Variants in TNRC6B observed in about 807,000 individuals in gnomAD.
The protein encoded by TNRC6B is trinucleotide repeat-containing gene 6B protein.
TNRC6B carries 52 observed loss-of-function variants against 203.6 expected under a neutral mutation model. That is an observed-to-expected ratio of 0.26 (90% confidence interval 0.20 to 0.32). The LOEUF is 0.32. Ranked by LOEUF, TNRC6B falls within the 10% of genes least tolerant of loss-of-function variation. The probability of loss-of-function intolerance (pLI) is 1.00; values close to 1 mark genes in which losing one functional copy is unlikely to be tolerated. For synonymous variants in TNRC6B, 838 were observed against 845.7 expected, an observed-to-expected ratio of 0.99 and a Z score of 0.16; for missense variants, 1,923 against 2,286.2, an observed-to-expected ratio of 0.84 and a Z score of 3.24.
At position 40,300,689 on chromosome 22, in the gene TNRC6B, A is replaced by G. The variant is rs5750932; in HGVS notation, c.3840+103A>G. Reference sequence around the variant, plus strand: ...CATCTTTGCCACTTTCTATGTTCAAAGGGTGCTAGTCCACACTTCTTTGCA... The same window carrying G: ...CATCTTTGCCACTTTCTATGTTCAAGGGGTGCTAGTCCACACTTCTTTGCA... On this transcript the variant is annotated intron_variant, in intron 13 of 22. Coordinates refer to ENST00000454349, the MANE Select transcript of TNRC6B (RefSeq NM_001162501.2). 1.2e-5 allele frequency: 18 copies of G among 1,440,680 alleles called. No individual in the cohort carries two copies. The East Asian group carries it at 2.1e-4, about 17-fold the overall frequency. The allele number at this position is 1,440,680 out of a possible 1,614,324, so 89.2% of individuals were successfully genotyped here.
chr22:40,270,172 G>A lies in TNRC6B; in HGVS notation c.2857G>A (p.Gly953Ser). The stretch of plus-strand genomic sequence containing the variant: ...TCCAGATAATGGTACTTCCGCTTGG[G>A]GTGAGCCAAATGAAAGCAGTCCTGG... ...PAPDNGTSAW[G>S]EPNESSPGWG... Residue 953 changes from glycine to serine, a missense_variant, in exon 6 of 23, where the codon GGT (glycine) becomes AGT (serine). Physicochemically the swap from Gly to Ser is moderately conservative, Grantham distance 56. Around this residue, in one of 8 missense-constraint regions of TNRC6B, gnomAD observed 599 missense variants for 656.5 expected, o/e 0.91. Transcript: ENST00000454349. 6.3e-7 allele frequency: 1 copy of A among 1,582,554 alleles called. No individual in the cohort carries two copies. The highest frequency in any genetic ancestry group is 8.6e-7 in the Non-Finnish European group (1 of 1,163,566).
intron 7 of TNRC6B, among the ~76,000 whole-genome samples, chr22:40,276,074 A>G (rs6001858): frequency 0.64 from 97,064 of 151,792 alleles, 34,739 homozygotes; most frequent in East Asian, 0.99. Context: ...CGGGCTGGGC[A>G]CGGTGGCTCA....
intron 1 of TNRC6B, among the ~76,000 whole-genome samples, chr22:40,210,000 AGAGT>A (rs1310927814): frequency 7.0e-6 from 1 of 143,048 alleles, no homozygotes; most frequent in African/African-American, 2.8e-5. Flanking sequence ...CCTGGGTAAC[AGAGT>A]GAGACTCTGT....
intron 1 of TNRC6B, among the ~76,000 whole-genome samples, chr22:40,225,545 A>G (rs935094130): frequency 1.3e-5 from 2 of 152,164 alleles, no homozygotes; most frequent in Admixed American, 6.6e-5. Flanking sequence ...GCTAGCCAAC[A>G]TGGTGAAAAC....
At chr22:40,068,481 C>G (rs1189316258) in intron 1 of TNRC6B, among the ~76,000 whole-genome samples, 1 of 151,996 alleles carries the variant, frequency 6.6e-6, no homozygotes, top group African/African-American at 2.4e-5. Context: ...CCATGCCCAG[C>G]CAATTTTTGT....
At chr22:40,289,959 C>T (rs901710647) in intron 12 of TNRC6B, among the ~76,000 whole-genome samples, 3 of 152,248 alleles carry the variant, frequency 2.0e-5, no homozygotes, top group African/African-American at 7.2e-5. Flanking sequence ...ATGTTCATTG[C>T]ATCAGTAAGA....
At chr22:40,074,779 CA>C (rs57402664) in intron 1 of TNRC6B, among the ~76,000 whole-genome samples, 8 of 142,668 alleles carry the variant, frequency 5.6e-5, no homozygotes, top group African/African-American at 7.7e-5. Context: ...ACTCCGTCTC[CA>C]AAAAAAAAAT....
At chr22:40,111,244 A>G (rs750719620) in intron 1 of TNRC6B, among the ~76,000 whole-genome samples, 7 of 152,250 alleles carry the variant, frequency 4.6e-5, no homozygotes, top group Non-Finnish European at 1.0e-4. Flanking sequence ...CTCAAGGGAA[A>G]TGGAAAACAA....
chr22:40,258,098 T>C (rs2070311409), intron 3 of TNRC6B, among the ~76,000 whole-genome samples: 2 of 145,426 alleles, frequency 1.4e-5, no homozygotes, highest in South Asian at 2.2e-4. Flanking sequence ...TTTTTTTTTT[T>C]TTTACCCCAC....
chr22:40,110,073 G>A (rs1449164701), intron 1 of TNRC6B, among the ~76,000 whole-genome samples: 1 of 152,090 alleles, frequency 6.6e-6, no homozygotes, highest in East Asian at 1.9e-4. Context: ...ATGCAATATA[G>A]AAAAAGAACA....
Position 40,264,825 on chromosome 22 carries a change from G to C in TNRC6B, c.595G>C (p.Glu199Gln), listed in dbSNP as rs777315934. The stretch of plus-strand genomic sequence containing the variant: ...GATTGTAGACGGGTCTGACATGGAA[G>C]AGTGGCCTTGTATTGCCAGCAAAGA... ...KVIVDGSDME[E>Q]WPCIASKDTE... Residue 199 changes from glutamate to glutamine, a missense_variant, in exon 5 of 23, where the codon GAG (glutamate) becomes CAG (glutamine). Transcript: ENST00000454349. 1.2e-5 allele frequency: 19 copies of C among 1,613,964 alleles called. No individual in the cohort carries two copies. Among genetic ancestry groups the C allele is most frequent in the Non-Finnish European group, 1.5e-5 (18 of 1,179,884 alleles).
chr22:40,253,102 CTTTTTTTT>C (rs67113294), intron 3 of TNRC6B, among the ~76,000 whole-genome samples: 2 of 141,960 alleles, frequency 1.4e-5, no homozygotes, highest in Non-Finnish European at 3.1e-5. Flanking sequence ...TTCTTTTTTT[CTTTTTTTT>C]TTTTTGAGGC....
At position 40,281,050 on chromosome 22, in the gene TNRC6B, C is replaced by T. The variant is rs571363635; in HGVS notation, c.3412-69C>T. On this transcript the variant is annotated intron_variant, in intron 10 of 22. Transcript: ENST00000454349. ...TTTATTGCTAGTGTTTCTCTCTTTT[C>T]CCTTCTTGCATTCTGTTGCTTCACT... The T allele has an allele frequency of 1.2e-4, 154 of 1,301,074 alleles. 2 individuals carry two copies. In the South Asian group the frequency reaches 2.3e-3, roughly 19 times the overall value. 80.6% of individuals were successfully genotyped at this position (1,301,074 alleles called of 1,614,324 possible). A position where few individuals can be genotyped will look rare whatever the true frequency, so the allele number is the denominator to read the frequency against.
intron 1 of TNRC6B, among the ~76,000 whole-genome samples, chr22:40,066,991 C>T (rs537080013): frequency 6.6e-6 from 1 of 151,502 alleles, no homozygotes; most frequent in African/African-American, 2.4e-5. Context: ...ACAACTTCAA[C>T]CTCCGAGGCT....
chr22:40,331,645 A>ATTTTGT lies in TNRC6B; in HGVS notation c.*8408_*8409insGTTTTT. 7.6e-6 allele frequency: 1 copy of ATTTTGT among 132,222 alleles called. No individual in the cohort carries two copies. The highest frequency in any genetic ancestry group is 1.3e-5 in the Non-Finnish European group (1 of 76,792). 8.2% of individuals were successfully genotyped at this position (132,222 alleles called of 1,614,324 possible). Reference sequence around the variant, plus strand: ...ACTGAATTTAAGAAGAGGTTGTTGGATTTTTTTTTTTTTTTTTTTTTTTTT... The same window carrying ATTTTGT: ...ACTGAATTTAAGAAGAGGTTGTTGGATTTTGTTTTTTTTTTTTTTTTTTTTTTTTTT... On this transcript the variant is annotated 3_prime_UTR_variant, in exon 23 of 23. Transcript: ENST00000454349.
intron 1 of TNRC6B, among the ~76,000 whole-genome samples, chr22:40,180,314 C>G (rs2069115469): frequency 6.6e-6 from 1 of 152,088 alleles, no homozygotes; most frequent in Non-Finnish European, 1.5e-5. Context: ...CTAGGCTTTC[C>G]ATGTTTTGCC....
chr22:40,110,097 A>C (rs1445244659), intron 1 of TNRC6B, among the ~76,000 whole-genome samples: 2 of 152,248 alleles, frequency 1.3e-5, no homozygotes, highest in African/African-American at 4.8e-5. Flanking sequence ...GTTTTTCTTT[A>C]ATCACCAATA....
rs746785808 is a variant in TNRC6B at position 40,265,083 on chromosome 22, A to T, written c.853A>T (p.Arg285Trp). 2 of 1,613,992 alleles carry T rather than the reference A, an allele frequency of 1.2e-6. 1 individual carries two copies. Among genetic ancestry groups the T allele is most frequent in the South Asian group, 2.2e-5 (2 of 91,084 alleles). The stretch of plus-strand genomic sequence containing the variant: ...GAACAACAATGGACTAGGAAATTGG[A>T]GGAATGTGAGTGGTCAGGATAGAAT... ...TENNNGLGNW[R>W]NVSGQDRIGP... is the part of the protein sequence containing the mutation. The change falls in exon 5 of 23, where the codon AGG (arginine) becomes TGG (tryptophan). Residue 285 changes from arginine to tryptophan, a missense_variant. Transcript: ENST00000454349.
At position 40,078,449 on chromosome 22, in the gene TNRC6B, A is replaced by G. The variant is rs527601765; in HGVS notation, c.-121+33451A>G. 1.1e-3 allele frequency among the ~76,000 whole-genome samples: 163 copies of G among 152,190 alleles called. 3 individuals carry two copies. The highest frequency in any genetic ancestry group is 3.5e-3 in the African/African-American group (144 of 41,522). ...TGAGGCAGGAGGATCACTTGAGCCC[A>G]GGAAGTCAAGGTTGCAGTGAGCCCT... On this transcript the variant is annotated intron_variant, in intron 1 of 23. Coordinates refer to the TNRC6B transcript ENST00000301923.
Sources: allele counts gnomAD v4.1 joint callset (sites outside exome capture counted in the v4.1 genomes callset), GRCh38; gene constraint gnomAD v4.1.1; regional missense constraint gnomAD v4.1.1; transcripts MANE v1.5; gene names NCBI Gene and HGNC (gene_info 2026-07-23, HGNC 2026-07-21).